Variants in POLR1A observed in about 807,000 individuals in gnomAD.
POLR1A encodes DNA-directed RNA polymerase I subunit RPA1.
POLR1A carries 84 observed loss-of-function variants against 205.3 expected under a neutral mutation model. The ratio of observed to expected loss-of-function variants is 0.41; its 90% CI spans 0.34 to 0.49. POLR1A has a LOEUF of 0.49. Among genes scored for constraint, POLR1A ranks in the 20% least tolerant of loss-of-function variants. The pLI, the probability that POLR1A is intolerant of heterozygous loss-of-function variation, is 0.22. For missense variants in POLR1A, 1,645 were observed against 2,204.5 expected (o/e 0.75, Z 5.08); for synonymous variants, 799 against 863.7 (o/e 0.93, Z 1.31).
chr2:86,074,328 A>G (rs1251810309), intron 12 of POLR1A, among the ~76,000 whole-genome samples: 1 of 152,130 alleles, frequency 6.6e-6, no homozygotes, highest in African/African-American at 2.4e-5. Flanking sequence ...CCAGGCAGTC[A>G]CCTATTGACT....
At chr2:86,076,270 C>T (rs939565685) in intron 11 of POLR1A, among the ~76,000 whole-genome samples, 1 of 152,198 alleles carries the variant, frequency 6.6e-6, no homozygotes, top group South Asian at 2.1e-4. Context: ...ACAGGTCCCG[C>T]GCAGCAACAC....
At chr2:86,045,392 G>A (rs1672692379) in intron 20 of POLR1A, 32 bp from the exon 21 acceptor site, 1 of 1,516,500 alleles carries the variant, frequency 6.6e-7, no homozygotes, top group South Asian at 1.1e-5. Context: ...TCCCAAAGGT[G>A]ACAGTGAGGA....
intron 27 of POLR1A, among the ~76,000 whole-genome samples, chr2:86,036,389 T>C (rs1427779674): frequency 6.6e-6 from 1 of 152,102 alleles, no homozygotes; most frequent in East Asian, 1.9e-4. Flanking sequence ...CGCTTGTATA[T>C]CTCTACCTAG....
At chr2:86,101,716 T>C (rs555395122) in intron 1 of POLR1A, among the ~76,000 whole-genome samples, 1 of 152,376 alleles carries the variant, frequency 6.6e-6, no homozygotes, top group Admixed American at 6.5e-5. Context: ...TACATTTGCA[T>C]TGTGCTACCA....
chr2:86,086,178 C>T (rs1209686771), intron 6 of POLR1A, among the ~76,000 whole-genome samples: 4 of 152,182 alleles, frequency 2.6e-5, no homozygotes, highest in Non-Finnish European at 5.9e-5. Context: ...CCTGTCTCAG[C>T]CTCCTGAGTA....
intron 3 of POLR1A, among the ~76,000 whole-genome samples, chr2:86,093,469 A>G (rs2104432034): frequency 6.6e-6 from 1 of 152,318 alleles, no homozygotes; most frequent in African/African-American, 2.4e-5. Flanking sequence ...ATGGTAACTT[A>G]GCACTGATAA....
intron 2 of POLR1A, 141 bp from the exon 3 acceptor site, chr2:86,098,901 C>T (rs934449226): frequency 2.9e-5 from 19 of 660,644 alleles, no homozygotes; most frequent in Non-Finnish European, 4.3e-5. Flanking sequence ...CTTAGAAAGG[C>T]CTTTGTTATC....
Position 86,082,192 on chromosome 2 carries a change from A to G in POLR1A, c.818-486T>C, listed in dbSNP as rs146893183. On this transcript the variant is annotated intron_variant, in intron 7 of 33. Transcript: ENST00000263857. ...CCTGTGTACATGACAGTTTGTATGC[A>G]GGGGATATGATAGCATAAAAATGGG... is the stretch of plus-strand genomic sequence containing the variant. Among the ~76,000 whole-genome samples, 274 of 152,234 alleles carry G rather than the reference A, an allele frequency of 1.8e-3. 4 individuals carry two copies. Among genetic ancestry groups the G allele is most frequent in the African/African-American group, 6.4e-3 (264 of 41,530 alleles).
chr2:86,102,032 A>G (rs1000913086), intron 1 of POLR1A, among the ~76,000 whole-genome samples: 1 of 152,244 alleles, frequency 6.6e-6, no homozygotes, highest in Non-Finnish European at 1.5e-5. Context: ...GTATCAACCC[A>G]TCCATTGATA....
At chr2:86,094,175 T>C (rs112947493) in intron 3 of POLR1A, among the ~76,000 whole-genome samples, 10 of 152,300 alleles carry the variant, frequency 6.6e-5, no homozygotes, top group African/African-American at 2.4e-4. Context: ...CTCTGACCTT[T>C]GTAATTAAAA....
At chr2:86,101,955 T>G (rs926677756) in intron 1 of POLR1A, among the ~76,000 whole-genome samples, 1 of 152,242 alleles carries the variant, frequency 6.6e-6, no homozygotes, top group Non-Finnish European at 1.5e-5. Context: ...TGTTATAGGA[T>G]GTGTTGAACT....
intron 4 of POLR1A, 104 bp from the exon 5 acceptor site, chr2:86,088,974 A>AC (rs1294967794): frequency 1.4e-6 from 1 of 729,576 alleles, no homozygotes; most frequent in Admixed American, 2.7e-5. Flanking sequence ...CAGCGGAAAC[A>AC]CCCCCACCAC....
chr2:86,089,235 A>T (rs190286027), intron 4 of POLR1A, among the ~76,000 whole-genome samples: 2 of 152,364 alleles, frequency 1.3e-5, no homozygotes, highest in Non-Finnish European at 2.9e-5. Context: ...CCTGCCTCAG[A>T]AGGACCTCAG....
intron 16 of POLR1A, among the ~76,000 whole-genome samples, chr2:86,050,833 T>C (rs1672789275): frequency 6.6e-6 from 1 of 152,216 alleles, no homozygotes; most frequent in Non-Finnish European, 1.5e-5. Flanking sequence ...TTTCTTTGGT[T>C]ATCCTGGAAG....
intron 24 of POLR1A, among the ~76,000 whole-genome samples, chr2:86,041,257 G>T (rs1430183821): frequency 1.3e-5 from 2 of 149,322 alleles, no homozygotes; most frequent in Non-Finnish European, 3.0e-5. Flanking sequence ...GTGTGTGTGT[G>T]TGTGTGTGTG....
In POLR1A at chr2:86,052,950, G is replaced by C; in HGVS notation, c.2259C>G (p.His753Gln). Residue 753 changes from histidine to glutamine, a missense_variant, in exon 16 of 34, where the codon CAC becomes CAG. Around this residue, in one of 16 missense-constraint regions of POLR1A, gnomAD observed 339 missense variants for 415.1 expected, o/e 0.82. Transcript: ENST00000263857. ...ELLCGVLDKA[H>Q]YGSSAYGLVH... ...CCAGGCCGTAGGCGGAGCTCCCATA[G>C]TGCGCCTTGTCCAGCACTCCGCAGA... is the stretch of plus-strand genomic sequence containing the variant. 1 of 1,608,608 alleles carries C rather than the reference G, an allele frequency of 6.2e-7. No individual in the cohort carries two copies. Among genetic ancestry groups the C allele is most frequent in the Non-Finnish European group, 8.5e-7 (1 of 1,177,262 alleles).
chr2:86,089,801 A>T (rs773298419), intron 4 of POLR1A, 21 bp downstream of exon 4: 2 of 1,381,124 alleles, frequency 1.4e-6, no homozygotes, highest in Non-Finnish European at 2.1e-6. Context: ...ACAGCATGGG[A>T]GAAAGACAGT....
chr2:86,053,091 GC>G, intron 15 of POLR1A, 91 bp from the exon 16 acceptor site: 1 of 945,320 alleles, frequency 1.1e-6, no homozygotes, highest in Non-Finnish European at 1.5e-6. Flanking sequence ...CCCTCGTTGT[GC>G]AAGTCCCTCT....
intron 3 of POLR1A, 84 bp downstream of exon 3, chr2:86,098,527 G>C (rs1476851408): frequency 7.3e-7 from 1 of 1,375,772 alleles, no homozygotes; most frequent in Non-Finnish European, 1.0e-6. Flanking sequence ...TATCGGCATG[G>C]TAACTAGGAC....
Sources: gnomAD v4.1 joint callset for allele counts (sites outside exome capture counted in the v4.1 genomes callset) on GRCh38, gnomAD v4.1.1 for gene constraint, gnomAD v4.1.1 regional missense constraint, MANE v1.5 for transcripts, NCBI Gene and HGNC (gene_info 2026-07-23, HGNC 2026-07-21) for gene names.